ADGRA2: variants seen among roughly 807,000 people sequenced by gnomAD.
ADGRA2 encodes the protein G-protein coupled receptor 124.
Under a neutral mutation model 98.7 loss-of-function variants are expected in ADGRA2, and 61 were observed. That is an observed-to-expected ratio of 0.62 (90% CI 0.50 to 0.76). The LOEUF (loss-of-function observed/expected upper bound fraction) is 0.76, where lower values mean the gene tolerates loss of function less well. Ranked by LOEUF, ADGRA2 falls within the 30% of genes least tolerant of loss-of-function variation. The probability of loss-of-function intolerance (pLI) is 0.00; values close to 1 mark genes in which losing one functional copy is unlikely to be tolerated. For synonymous variants in ADGRA2, 858 were observed against 831.5 expected (o/e 1.03, Z -0.55); for missense variants, 1,712 against 1,860.0 (o/e 0.92, Z 1.46).
At chr8:37,821,866 G>C (rs1482812116) in intron 2 of ADGRA2, among the ~76,000 whole-genome samples, 3 of 152,218 alleles carry the variant, frequency 2.0e-5, no homozygotes, top group Non-Finnish European at 4.4e-5. Context: ...CCTGGGGGTG[G>C]AGTGAGGCTT....
chr8:37,810,106 A>T (rs1249862878), intron 1 of ADGRA2, among the ~76,000 whole-genome samples: 1 of 152,200 alleles, frequency 6.6e-6, no homozygotes, highest in Non-Finnish European at 1.5e-5. Context: ...GTATCTCATT[A>T]ATAATTTTAT....
In ADGRA2 at chr8:37,819,609, ATCCGCCCTCCTTGGCCT is replaced by A. The variant is rs1317407173; in HGVS notation, c.338+4646_338+4662del. 2.0e-5 allele frequency among the ~76,000 whole-genome samples: 3 copies of A among 152,168 alleles called. No individual in the cohort carries two copies. The East Asian group carries it at 5.8e-4, about 29-fold the overall frequency. On this transcript the variant is annotated intron_variant, in intron 2 of 18. Coordinates refer to ENST00000412232, the MANE Select transcript of ADGRA2 (RefSeq NM_032777.10). ...ATGGTCTCGATCTCTTCACCTTGTG[ATCCGCCCTCCTTGGCCT>A]TCCAAAGTGCTGGGATTACAGGCAT...
chr8:37,822,484 C>A (rs76666727), intron 2 of ADGRA2, among the ~76,000 whole-genome samples: 1 of 151,458 alleles, frequency 6.6e-6, no homozygotes, highest in Non-Finnish European at 1.5e-5. Flanking sequence ...AAAGTTCACC[C>A]GTTTAAAAAA....
At chr8:37,805,761 C>G (rs537180887) in intron 1 of ADGRA2, among the ~76,000 whole-genome samples, 2 of 152,052 alleles carry the variant, frequency 1.3e-5, no homozygotes, top group African/African-American at 4.8e-5. Flanking sequence ...CCCAGCTACT[C>G]ATGAGGCTGA....
chr8:37,818,821 G>C (rs1406172482), intron 2 of ADGRA2, among the ~76,000 whole-genome samples: 1 of 152,220 alleles, frequency 6.6e-6, no homozygotes, highest in Non-Finnish European at 1.5e-5. Context: ...GAAAGCAAGA[G>C]GGCCAGGGGT....
chr8:37,826,623 G>T (rs1056530771), intron 2 of ADGRA2, among the ~76,000 whole-genome samples: 3 of 152,154 alleles, frequency 2.0e-5, no homozygotes, highest in Admixed American at 6.5e-5. Context: ...TCCCCTGGCC[G>T]TGGGAAGGGC....
rs935795458 is a variant in ADGRA2, at chr8:37,834,457, G to A, written c.1608+329G>A. Among the ~76,000 whole-genome samples, 2 of 152,200 alleles carry A rather than the reference G, an allele frequency of 1.3e-5. No homozygotes were observed. The highest frequency in any genetic ancestry group is 4.8e-5 in the African/African-American group (2 of 41,450). ...CACTCGGGATTGAGTGAAGAGTAAT[G>A]GAAGTTCCCTGAGAGAAGGTGAGTG... On this transcript the variant is annotated intron_variant, in intron 11 of 18. Coordinates refer to ENST00000412232, the MANE Select transcript of ADGRA2 (RefSeq NM_032777.10). This position sits in a 1 kb window ranked among gnomAD's most constrained non-coding sequence, Gnocchi z 4.2.
At chr8:37,829,061 T>G (rs1304193152) in intron 3 of ADGRA2, 102 bp downstream of exon 3, 1 of 309,942 alleles carries the variant, frequency 3.2e-6, no homozygotes, top group Non-Finnish European at 4.2e-6. Flanking sequence ...CCCCCACACC[T>G]GCCCCTCCTT....
chr8:37,832,966 C>A, intron 8 of ADGRA2, 44 bp from the exon 9 acceptor site: 1 of 1,488,256 alleles, frequency 6.7e-7, no homozygotes, highest in South Asian at 1.1e-5. Context: ...GGCTGTTGTT[C>A]TGAGAAGCCC....
Position 37,816,457 on chromosome 8 carries a change from G to A in ADGRA2, c.338+1490G>A, listed in dbSNP as rs553577943. Among the ~76,000 whole-genome samples, 8 of 151,576 alleles carry A rather than the reference G, an allele frequency of 5.3e-5. No individual in the cohort carries two copies. The South Asian group carries it at 8.3e-4, about 16-fold the overall frequency. ...AAAATACAAAAATTAGCTGGGCATG[G>A]TGCTGCATGCCTGTAATCCCAGCTA... On this transcript the variant is annotated intron_variant, in intron 2 of 18. Transcript: ENST00000412232.
At chr8:37,837,650 G>A in intron 13 of ADGRA2, 81 bp from the exon 14 acceptor site, 2 of 1,040,330 alleles carry the variant, frequency 1.9e-6, no homozygotes, top group East Asian at 2.7e-5. Context: ...CCCTGTCACT[G>A]CTGCTGCTGC....
Position 37,828,481 on chromosome 8 carries a change from C to CTTTT in ADGRA2, c.339-387_339-384dup, listed in dbSNP as rs35779657. Among the ~76,000 whole-genome samples, 36 of 82,966 alleles carry CTTTT rather than the reference C, an allele frequency of 4.3e-4. 1 individual carries two copies. Among genetic ancestry groups the CTTTT allele is most frequent in the East Asian group, 1.7e-3 (4 of 2,370 alleles). 54.4% of individuals were successfully genotyped at this position (82,966 alleles called of 152,430 possible). ...AGGAGGCCTGTCCGAGGGGGTGGTTCTTTTTTTTTTTTTTTTTTTTTTTGA... is the reference window on the plus strand; with the variant it reads ...AGGAGGCCTGTCCGAGGGGGTGGTTCTTTTTTTTTTTTTTTTTTTTTTTTTTTGA... On this transcript the variant is annotated intron_variant, in intron 2 of 18. Transcript: ENST00000412232.
At chr8:37,828,565 C>A (rs542933583) in intron 2 of ADGRA2, among the ~76,000 whole-genome samples, 1 of 146,990 alleles carries the variant, frequency 6.8e-6, no homozygotes, top group African/African-American at 2.5e-5. Context: ...TGGCTCCCTG[C>A]AGCCTCCGCC....
Position 37,830,680 on chromosome 8 carries a change from G to C in ADGRA2, c.719-30G>C. On this transcript the variant is annotated intron_variant, in intron 6 of 18. Transcript: ENST00000412232. This position sits in a 1 kb window ranked among gnomAD's most constrained non-coding sequence, Gnocchi z 4.8. ...TGCAGCCTCACATGCGTGTGCACTC[G>C]GGCCTCACGCCTGGTGTCTCCTCCC... The C allele has an allele frequency of 8.0e-7, 1 of 1,257,690 alleles. No individual in the cohort carries two copies. Among genetic ancestry groups the C allele is most frequent in the Non-Finnish European group, 1.1e-6 (1 of 938,724 alleles). The allele number at this position is 1,257,690 out of a possible 1,614,324, so 77.9% of individuals were successfully genotyped here. A position where few individuals can be genotyped will look rare whatever the true frequency, so the allele number is the denominator to read the frequency against.
chr8:37,832,288 A>G (rs931875525), intron 8 of ADGRA2, among the ~76,000 whole-genome samples: 7 of 152,194 alleles, frequency 4.6e-5, no homozygotes, highest in Middle Eastern at 3.4e-3. Context: ...CCTGGCCTCA[A>G]GTGATCCACC....
Position 37,844,151 on chromosome 8 carries a change from C to T in ADGRA2, c.*1796C>T, listed in dbSNP as rs1805901232. 1 of 271,474 alleles carries T rather than the reference C, an allele frequency of 3.7e-6. No individual in the cohort carries two copies. The highest frequency in any genetic ancestry group is 2.1e-5 in the African/African-American group (1 of 46,690). 16.8% of individuals were successfully genotyped at this position (271,474 alleles called of 1,614,324 possible). On this transcript the variant is annotated 3_prime_UTR_variant, in exon 19 of 19. Coordinates refer to ENST00000412232, the MANE Select transcript of ADGRA2 (RefSeq NM_032777.10). ...CTCCACAAGCAGAGGGAAGCCCCCT[C>T]AGGCCTGCAGGAGGAGCCGCAGCAG... is the stretch of plus-strand genomic sequence containing the variant.
At chr8:37,798,302 A>C (rs897356213) in intron 1 of ADGRA2, among the ~76,000 whole-genome samples, 4 of 152,360 alleles carry the variant, frequency 2.6e-5, no homozygotes, top group African/African-American at 9.6e-5. Flanking sequence ...ATTGCGAAGA[A>C]AGAAACGCGG....
Position 37,814,849 on chromosome 8 carries a change from G to A in ADGRA2, c.267-47G>A, listed in dbSNP as rs755187606. On this transcript the variant is annotated intron_variant, in intron 1 of 18. Transcript: ENST00000412232. The surrounding 1 kb of genome is among the most constrained non-coding windows in gnomAD (Gnocchi z 4.3). ...CACCAGTGGTGAAAGCGGATGCCCA[G>A]CACATAACAGCACCTTGTCCTGTCT... is the stretch of plus-strand genomic sequence containing the variant. The A allele has an allele frequency of 7.1e-7, 1 of 1,408,304 alleles. No homozygotes were observed. The highest frequency in any genetic ancestry group is 1.7e-5 in the Admixed American group (1 of 59,714). The allele number at this position is 1,408,304 out of a possible 1,614,324, so 87.2% of individuals were successfully genotyped here. A position where few individuals can be genotyped will look rare whatever the true frequency, so the allele number is the denominator to read the frequency against.
chr8:37,844,854 T>C lies in ADGRA2; in HGVS notation c.*2499T>C, dbSNP rs1213282006. On this transcript the variant is annotated 3_prime_UTR_variant, in exon 19 of 19. Coordinates refer to ENST00000412232, the MANE Select transcript of ADGRA2 (RefSeq NM_032777.10). ...CAGTGACTGGCGGTGCTGGAGAAGGTCACCGATGTGCTTCACCACAGACCG... is the reference window on the plus strand; with the variant it reads ...CAGTGACTGGCGGTGCTGGAGAAGGCCACCGATGTGCTTCACCACAGACCG... The C allele has an allele frequency of 6.2e-7, 1 of 1,614,130 alleles. No homozygotes were observed. The highest frequency in any genetic ancestry group is 2.2e-5 in the East Asian group (1 of 44,870).
Sources: allele counts gnomAD v4.1 joint callset (sites outside exome capture counted in the v4.1 genomes callset), GRCh38; gene constraint gnomAD v4.1.1; non-coding constraint Gnocchi (gnomAD v3.1); transcripts MANE v1.5; gene names NCBI Gene and HGNC (gene_info 2026-07-23, HGNC 2026-07-21).